Variants in NUMB observed in about 807,000 individuals in gnomAD.
NUMB encodes protein numb homolog.
NUMB carries 29 observed loss-of-function variants against 59.7 expected under a neutral mutation model. That is an observed-to-expected ratio of 0.49 (90% CI 0.36 to 0.66). NUMB has a LOEUF of 0.66. Ranked by LOEUF, NUMB falls within the 30% of genes least tolerant of loss-of-function variation. The probability of loss-of-function intolerance (pLI) is 0.00; values close to 1 mark genes in which losing one functional copy is unlikely to be tolerated. For missense variants in NUMB, 723 were observed against 822.0 expected (o/e 0.88, Z 1.47); for synonymous variants, 288 against 288.2 (o/e 1.00, Z 0.01).
At chr14:73,402,925 A>C (rs1896487924) in intron 2 of NUMB, among the ~76,000 whole-genome samples, 1 of 152,222 alleles carries the variant, frequency 6.6e-6, no homozygotes. Flanking sequence ...CATTGAAGTC[A>C]AACAAACACA....
chr14:73,393,877 T>C (rs1249822918), intron 2 of NUMB, among the ~76,000 whole-genome samples: 3 of 152,232 alleles, frequency 2.0e-5, no homozygotes, highest in African/African-American at 7.2e-5. Flanking sequence ...AGCAAGTGGG[T>C]CTTAATATTA....
chr14:73,352,522 A>G (rs1175826488), intron 4 of NUMB, among the ~76,000 whole-genome samples: 6 of 13,786 alleles, frequency 4.4e-4, no homozygotes, highest in African/African-American at 1.3e-3. Context: ...ATATATATAT[A>G]TATATATGTT....
In NUMB at chr14:73,284,215, G is replaced by A. The variant is rs1888824022; in HGVS notation, c.815C>T (p.Ala272Val). The A allele has an allele frequency of 1.9e-6, 3 of 1,614,190 alleles. No individual in the cohort carries two copies. Among genetic ancestry groups the A allele is most frequent in the Non-Finnish European group, 1.7e-6 (2 of 1,180,048 alleles). Residue 272 changes from alanine to valine, a missense_variant, in exon 10 of 13, where the codon GCT becomes GTT. By Grantham distance (64) the Ala-to-Val change is moderately conservative (BLOSUM62 0). Around this residue, in one of 2 missense-constraint regions of NUMB, gnomAD observed 317 missense variants for 436.6 expected, o/e 0.73. Transcript: ENST00000555238. ...PRRHAPIEQL[A>V]RQGSFRGFPA... is the part of the protein sequence containing the mutation. ...AAAACCTCGGAAAGAGCCTTGGCGA[G>A]CAAGCTGTTCAATTGGAGCATGCCG...
chr14:73,345,857 G>A (rs1471546174), intron 4 of NUMB, among the ~76,000 whole-genome samples: 5 of 151,810 alleles, frequency 3.3e-5, no homozygotes, highest in Admixed American at 1.3e-4. Context: ...GCATTGAGCC[G>A]AGATCGCACC....
Position 73,452,348 on chromosome 14 carries a change from G to GA in NUMB, c.-233+6144dup, listed in dbSNP as rs372714220. Among the ~76,000 whole-genome samples the GA allele has an allele frequency of 1.9e-3, 284 of 152,136 alleles. 6 individuals carry two copies. The highest frequency in any genetic ancestry group is 6.8e-3 in the Middle Eastern group (2 of 292). ...GTACTCCAGCCTGGGCAACGAGAAC[G>GA]AAACTCTGTCTCAAAAACAAAACAA... On this transcript the variant is annotated intron_variant, in intron 1 of 12. Transcript: ENST00000555238.
intron 4 of NUMB, among the ~76,000 whole-genome samples, chr14:73,325,991 G>A (rs1891643196): frequency 6.6e-6 from 1 of 152,064 alleles, no homozygotes. Context: ...TTTGATCCTA[G>A]ATACAAGTGA....
intron 8 of NUMB, 29 bp downstream of exon 8, chr14:73,292,705 A>G (rs768580389): frequency 6.2e-7 from 1 of 1,611,842 alleles, no homozygotes; most frequent in South Asian, 1.1e-5. Context: ...GAGAATACTC[A>G]TCATGAAATA....
chr14:73,298,984 T>C (rs1251640998), intron 6 of NUMB: 1 of 150,816 alleles, frequency 6.6e-6, no homozygotes, highest in East Asian at 1.9e-4. Context: ...CAAATCTCTT[T>C]GTGGAATTGG....
chr14:73,334,497 A>G (rs927485052), intron 4 of NUMB, among the ~76,000 whole-genome samples: 2 of 152,174 alleles, frequency 1.3e-5, no homozygotes, highest in African/African-American at 2.4e-5. Flanking sequence ...GAAACCATCT[A>G]TATTAGTTCC....
intron 5 of NUMB, among the ~76,000 whole-genome samples, chr14:73,319,549 G>A (rs980410487): frequency 6.6e-6 from 1 of 152,032 alleles, no homozygotes; most frequent in Admixed American, 6.6e-5. Context: ...AACTCTAAAA[G>A]GAAGCTTTAT....
chr14:73,296,676 A>G (rs1248580995), intron 7 of NUMB, among the ~76,000 whole-genome samples: 1 of 152,186 alleles, frequency 6.6e-6, no homozygotes, highest in South Asian at 2.1e-4. Context: ...AGGGTATTAT[A>G]TTTGATCATT....
At chr14:73,367,774 C>CAAAAAA in intron 2 of NUMB, among the ~76,000 whole-genome samples, 2 of 111,848 alleles carry the variant, frequency 1.8e-5, no homozygotes, top group Non-Finnish European at 3.5e-5. Flanking sequence ...GACCCTGTTT[C>CAAAAAA]AAAAAAAAAA....
At chr14:73,386,691 T>C (rs967755514) in intron 2 of NUMB, among the ~76,000 whole-genome samples, 2 of 151,994 alleles carry the variant, frequency 1.3e-5, no homozygotes, top group African/African-American at 4.8e-5. Context: ...TAAAGAAAAT[T>C]CCCATTCAAC....
At chr14:73,344,727 A>G (rs1425828301) in intron 4 of NUMB, among the ~76,000 whole-genome samples, 2 of 152,206 alleles carry the variant, frequency 1.3e-5, no homozygotes, top group Non-Finnish European at 2.9e-5. Context: ...TCCTACATTC[A>G]GCCCCTTAAT....
intron 4 of NUMB, among the ~76,000 whole-genome samples, chr14:73,352,473 CACACATATAT>C (rs1893394073): frequency 1.2e-3 from 24 of 20,446 alleles, no homozygotes; most frequent in African/African-American, 3.5e-3. Flanking sequence ...CACACACACA[CACACATATAT>C]ATATATATAT....
intron 6 of NUMB, chr14:73,297,607 A>T (rs1003471633): frequency 7.2e-5 from 14 of 193,728 alleles, no homozygotes; most frequent in African/African-American, 3.3e-4. Context: ...TTCTTCACCC[A>T]TTTAAAAAAA....
chr14:73,386,307 T>A (rs1236011046), intron 2 of NUMB, among the ~76,000 whole-genome samples: 2 of 152,210 alleles, frequency 1.3e-5, no homozygotes, highest in East Asian at 3.8e-4. Context: ...TATATAGCTT[T>A]TAATTGAATA....
In NUMB at chr14:73,284,198, G is replaced by A; in HGVS notation, c.832C>T (p.Arg278Ter). 1 of 1,614,154 alleles carries A rather than the reference G, an allele frequency of 6.2e-7. No homozygotes were observed. The highest frequency in any genetic ancestry group is 1.1e-5 in the South Asian group (1 of 91,084). Residue 278 changes from arginine (R) to a stop codon, truncating the protein, a stop_gained, in exon 10 of 13, where the codon CGA becomes TGA. Coordinates refer to ENST00000555238, the MANE Select transcript of NUMB (RefSeq NM_001005743.2). LOFTEE classifies it high-confidence loss of function. ...IEQLARQGSF[R>*]GFPALSQKMS... The stretch of plus-strand genomic sequence containing the variant: ...TTCTGGCTAAGAGCAGGAAAACCTC[G>A]GAAAGAGCCTTGGCGAGCAAGCTGT...
chr14:73,316,334 C>T (rs370406205), intron 6 of NUMB, 56 bp downstream of exon 6: 16 of 1,468,920 alleles, frequency 1.1e-5, no homozygotes, highest in Admixed American at 1.7e-5. Flanking sequence ...TATGTCAGTG[C>T]TACACTAGGG....
Sources: gnomAD v4.1 joint callset for allele counts (sites outside exome capture counted in the v4.1 genomes callset) on GRCh38, gnomAD v4.1.1 for gene constraint, gnomAD v4.1.1 regional missense constraint, MANE v1.5 for transcripts, NCBI Gene and HGNC (gene_info 2026-07-23, HGNC 2026-07-21) for gene names.